Variants in FNDC1 observed in about 807,000 individuals in gnomAD.
FNDC1 encodes fibronectin type III domain-containing protein 1.
A neutral mutation model predicts 168.0 loss-of-function variants in FNDC1; 96 were observed. That is an observed-to-expected ratio of 0.57 (90% CI 0.48 to 0.68). FNDC1 has a LOEUF of 0.68. Ranked by LOEUF, FNDC1 falls within the 30% of genes least tolerant of loss-of-function variation. FNDC1 has a pLI of 0.00. For synonymous variants in FNDC1, 1,099 were observed against 1,025.9 expected (o/e 1.07, Z -1.36); for missense variants, 2,587 against 2,482.1 (o/e 1.04, Z -0.90).
intron 1 of FNDC1, among the ~76,000 whole-genome samples, chr6:159,185,487 C>T (rs1781975617): frequency 6.6e-6 from 1 of 152,168 alleles, no homozygotes; most frequent in Non-Finnish European, 1.5e-5. Flanking sequence ...TTGTTTATCT[C>T]ATTCACCAGT....
chr6:159,234,275 TC>T lies in FNDC1; in HGVS notation c.3766del (p.His1256ThrfsTer14). ...ACCTCCAGGCAGCTCCCCCAGGGCC[TC>T]CCACGTCCCTTCCCGACTGCCGCCT... Reference protein sequence around the residue: ...PPPPGSSPRASHVPSRLPPRS... With the variant: ...PPPPGSSPRAXHVPSRLPPRS... On this transcript the variant is annotated frameshift_variant, in exon 11 of 23. Coordinates refer to ENST00000297267, the MANE Select transcript of FNDC1 (RefSeq NM_032532.3). LOFTEE classifies it high-confidence loss of function. The T allele has an allele frequency of 6.3e-7, 1 of 1,597,054 alleles. No individual in the cohort carries two copies. Among genetic ancestry groups the T allele is most frequent in the Non-Finnish European group, 8.5e-7 (1 of 1,171,924 alleles).
chr6:159,256,693 G>C, intron 18 of FNDC1, 62 bp downstream of exon 18: 1 of 1,264,320 alleles, frequency 7.9e-7, no homozygotes, highest in Non-Finnish European at 1.1e-6. Flanking sequence ...GATTTGCTTT[G>C]GTTGGAAATG....
At chr6:159,193,894 A>G (rs1021182539) in intron 1 of FNDC1, among the ~76,000 whole-genome samples, 1 of 152,212 alleles carries the variant, frequency 6.6e-6, no homozygotes, top group Non-Finnish European at 1.5e-5. Context: ...CATGGGAGCT[A>G]TGGCACAGAA....
chr6:159,206,896 C>T (rs745641998), intron 4 of FNDC1, among the ~76,000 whole-genome samples: 2 of 152,222 alleles, frequency 1.3e-5, no homozygotes, highest in Non-Finnish European at 2.9e-5. Context: ...ACGAGCCCTT[C>T]CATCTTAAGG....
At chr6:159,267,198 C>A (rs1452179210) in intron 21 of FNDC1, among the ~76,000 whole-genome samples, 1 of 152,054 alleles carries the variant, frequency 6.6e-6, no homozygotes, top group African/African-American at 2.4e-5. Context: ...TATGCTTCTC[C>A]CAACAAGTAC....
At chr6:159,253,218 G>A (rs1014500046) in intron 17 of FNDC1, among the ~76,000 whole-genome samples, 1 of 152,140 alleles carries the variant, frequency 6.6e-6, no homozygotes, top group East Asian at 1.9e-4. Flanking sequence ...ATACAGAGCC[G>A]TGCCAACTCC....
intron 17 of FNDC1, among the ~76,000 whole-genome samples, chr6:159,255,466 A>G (rs1303268459): frequency 6.6e-6 from 1 of 152,190 alleles, no homozygotes; most frequent in Non-Finnish European, 1.5e-5. Context: ...GGTCCTGCAG[A>G]GCACTCAACT....
Position 159,262,100 on chromosome 6 carries a change from T to C in FNDC1, c.5254+831T>C, listed in dbSNP as rs565201917. Among the ~76,000 whole-genome samples the C allele has an allele frequency of 4.6e-5, 7 of 152,252 alleles. 1 individual carries two copies. The South Asian group carries it at 1.0e-3, about 23-fold the overall frequency. On this transcript the variant is annotated intron_variant, in intron 19 of 22. Transcript: ENST00000297267. ...CCAGCTTGGGTAACAGAGTGAGACC[T>C]TGTCTCTGAAAACATAGTTCCTATG... is the stretch of plus-strand genomic sequence containing the variant.
chr6:159,195,421 G>C (rs1013516752), intron 1 of FNDC1, among the ~76,000 whole-genome samples: 2 of 151,660 alleles, frequency 1.3e-5, no homozygotes, highest in African/African-American at 4.9e-5. Flanking sequence ...GGTGGAGGGT[G>C]GTGGGGTGGT....
At chr6:159,173,941 G>C (rs1349835852) in intron 1 of FNDC1, among the ~76,000 whole-genome samples, 1 of 152,176 alleles carries the variant, frequency 6.6e-6, no homozygotes, top group African/African-American at 2.4e-5. Context: ...GGGGGGCAGG[G>C]AGCCTGGAAG....
chr6:159,211,186 C>T (rs371025836), intron 4 of FNDC1, among the ~76,000 whole-genome samples: 5 of 152,154 alleles, frequency 3.3e-5, no homozygotes, highest in East Asian at 1.9e-4. Context: ...TTTCAGGTCA[C>T]GGGGATAGAG....
intron 1 of FNDC1, among the ~76,000 whole-genome samples, chr6:159,175,879 T>A (rs189885017): frequency 6.6e-6 from 1 of 152,256 alleles, no homozygotes; most frequent in Non-Finnish European, 1.5e-5. Context: ...TACCACCTTG[T>A]GCTAAGACAC....
chr6:159,256,069 G>A (rs546982927), intron 17 of FNDC1, among the ~76,000 whole-genome samples: 15 of 152,330 alleles, frequency 9.8e-5, no homozygotes, highest in African/African-American at 2.4e-4. Flanking sequence ...ACCCCTGGGC[G>A]TGTGGGGTCT....
At chr6:159,203,420 C>G (rs1177004267) in intron 4 of FNDC1, among the ~76,000 whole-genome samples, 1 of 152,042 alleles carries the variant, frequency 6.6e-6, no homozygotes, top group African/African-American at 2.4e-5. Flanking sequence ...AGGACCATGC[C>G]AGAGAGTCCT....
At chr6:159,231,740 C>A in intron 10 of FNDC1, 142 bp from the exon 11 acceptor site, 1 of 616,254 alleles carries the variant, frequency 1.6e-6, no homozygotes, top group Non-Finnish European at 2.7e-6. Flanking sequence ...AACACGTTTC[C>A]AGTGTTCTAA....
Position 159,239,619 on chromosome 6 carries a change from G to A in FNDC1, c.4283G>A (p.Ser1428Asn), listed in dbSNP as rs1562304520. The change falls in exon 14 of 23, where the codon AGT becomes AAT. Residue 1428 changes from serine (S) to asparagine (N), a missense_variant. By Grantham distance (46) the Ser-to-Asn change is conservative. Coordinates refer to ENST00000297267, the MANE Select transcript of FNDC1 (RefSeq NM_032532.3). The part of the protein sequence containing the change: ...LANAQDKPIL[S>N]LGGKPLVGLE... ...AATGCCCAAGATAAGCCAATTTTGA[G>A]TCTTGGAGGAAAGCCGCTGGTGGGC... The A allele has an allele frequency of 1.9e-6, 3 of 1,570,446 alleles. No homozygotes were observed. The highest frequency in any genetic ancestry group is 2.6e-6 in the Non-Finnish European group (3 of 1,156,694).
chr6:159,192,854 G>A lies in FNDC1; in HGVS notation c.110-4577G>A, dbSNP rs1782168522. Among the ~76,000 whole-genome samples the A allele has an allele frequency of 2.6e-5, 4 of 152,160 alleles. No individual in the cohort carries two copies. The South Asian group carries it at 8.3e-4, about 32-fold the overall frequency. ...CAGAGCCTTCCGGTCTCTAGAGGGAGGGAGGGGAGGTCTGGGGGTGTGATG... is the reference window on the plus strand; with the variant it reads ...CAGAGCCTTCCGGTCTCTAGAGGGAAGGAGGGGAGGTCTGGGGGTGTGATG... On this transcript the variant is annotated intron_variant, in intron 1 of 22. Transcript: ENST00000297267.
At chr6:159,191,206 C>T (rs1167577246) in intron 1 of FNDC1, among the ~76,000 whole-genome samples, 1 of 152,168 alleles carries the variant, frequency 6.6e-6, no homozygotes, top group East Asian at 1.9e-4. Context: ...CCCCTACCTC[C>T]AACACTCAAG....
At chr6:159,271,023 A>G (rs944442080) in intron 22 of FNDC1, among the ~76,000 whole-genome samples, 5 of 152,184 alleles carry the variant, frequency 3.3e-5, no homozygotes, top group Admixed American at 1.3e-4. Context: ...CCTATGGAGG[A>G]GGCCTGAGCT....
Sources: allele counts gnomAD v4.1 joint callset (sites outside exome capture counted in the v4.1 genomes callset), GRCh38; gene constraint gnomAD v4.1.1; transcripts MANE v1.5; gene names NCBI Gene and HGNC (gene_info 2026-07-23, HGNC 2026-07-21).